The following NHERF2 variants were observed in gnomAD, a reference collection of about 807,000 sequenced individuals.
NHERF2 encodes the protein NHERF family PDZ scaffold protein 2.
At chr16:2,035,766 C>T in the NHERF2 span, 10 of 807,570 alleles carry the variant, frequency 1.2e-5, no homozygotes, top group Non-Finnish European at 1.3e-5. Context: ...GTGCCCTGTC[C>T]ACACTAAGCT....
the NHERF2 span, chr16:2,036,445 T>G: frequency 1.9e-6 from 3 of 1,604,686 alleles, no homozygotes; most frequent in South Asian, 3.4e-5. Context: ...ATCCGCTCTG[T>G]GGACCCGGGC....
chr16:2,033,490 C>T, the NHERF2 span: 14 of 1,481,888 alleles, frequency 9.4e-6, no homozygotes, highest in African/African-American at 2.8e-5. Flanking sequence ...CTCAGCCTCC[C>T]GGGGTGGAAG....
the NHERF2 span, among the ~76,000 whole-genome samples, chr16:2,027,636 C>G: frequency 2.6e-5 from 4 of 152,212 alleles, no homozygotes; most frequent in African/African-American, 9.6e-5. Context: ...TGTGCATGCG[C>G]CTGCCTGTGC....
chr16:2,027,181 T>G, the NHERF2 span: 1 of 1,452,716 alleles, frequency 6.9e-7, no homozygotes, highest in South Asian at 1.3e-5. Context: ...CTGGTCGAGG[T>G]CAACGGCGTC....
chr16:2,029,977 C>T, the NHERF2 span, among the ~76,000 whole-genome samples: 127 of 152,316 alleles, frequency 8.3e-4, no homozygotes, highest in African/African-American at 2.8e-3. Flanking sequence ...GTGTTTTAAA[C>T]TGGGTAGGGT....
the NHERF2 span, among the ~76,000 whole-genome samples, chr16:2,030,831 C>CT: frequency 6.6e-6 from 1 of 151,992 alleles, no homozygotes; most frequent in Admixed American, 6.6e-5. Flanking sequence ...GTCCCAGCTA[C>CT]TTGGGAGGCT....
At chr16:2,028,839 G>A in the NHERF2 span, among the ~76,000 whole-genome samples, 1 of 152,186 alleles carries the variant, frequency 6.6e-6, no homozygotes, top group Non-Finnish European at 1.5e-5. Context: ...CCCCCCGCGT[G>A]GTCCAGACAC....
the NHERF2 span, chr16:2,036,844 G>A: frequency 4.3e-6 from 7 of 1,612,484 alleles, no homozygotes; most frequent in Admixed American, 6.7e-5. Flanking sequence ...AACACTTCAA[G>A]CGGCTTCGGG....
At chr16:2,035,739 G>A in the NHERF2 span, 1 of 942,168 alleles carries the variant, frequency 1.1e-6, no homozygotes, top group Non-Finnish European at 1.3e-6. Context: ...GTCCTTCCGG[G>A]CACCAGGAGG....
chr16:2,033,672 T>C, the NHERF2 span, among the ~76,000 whole-genome samples: 1 of 152,084 alleles, frequency 6.6e-6, no homozygotes, highest in Non-Finnish European at 1.5e-5. Context: ...TCCAGCTCTG[T>C]GCTGGCCGCC....
chr16:2,036,285 G>C, the NHERF2 span: 1 of 1,558,342 alleles, frequency 6.4e-7, no homozygotes, highest in South Asian at 1.2e-5. Flanking sequence ...GAGGCGGGAG[G>C]CTGGAGCAAG....
At chr16:2,033,443 G>A in the NHERF2 span, 3 of 1,518,114 alleles carry the variant, frequency 2.0e-6, no homozygotes, top group South Asian at 3.6e-5. Flanking sequence ...GTCAGGTGGG[G>A]TGGGAGGAAG....
the NHERF2 span, chr16:2,035,945 G>A: frequency 4.5e-6 from 1 of 222,668 alleles, no homozygotes; most frequent in Admixed American, 5.5e-5. Context: ...GAGAGCCCGG[G>A]GCAGGGGGAC....
the NHERF2 span, chr16:2,033,074 G>A: frequency 3.3e-5 from 33 of 985,278 alleles, no homozygotes; most frequent in Non-Finnish European, 4.0e-5. Flanking sequence ...TCAGCCCTGG[G>A]TCCTGGGGCA....
At chr16:2,036,743 G>C in the NHERF2 span, 1 of 1,612,928 alleles carries the variant, frequency 6.2e-7, no homozygotes, top group African/African-American at 1.3e-5. Context: ...CGGGCAGAAT[G>C]TGGAGGGACT....
the NHERF2 span, chr16:2,037,631 C>G: frequency 4.4e-6 from 7 of 1,606,194 alleles, no homozygotes; most frequent in Admixed American, 3.4e-5. Context: ...TGAGCTCACA[C>G]GTGGGGTTGC....
the NHERF2 span, chr16:2,036,114 C>G: frequency 1.9e-6 from 1 of 534,446 alleles, no homozygotes; most frequent in Non-Finnish European, 3.3e-6. Flanking sequence ...GTCGGGGAGG[C>G]TTCTGGGTTT....
the NHERF2 span, chr16:2,037,126 C>T: frequency 8.6e-7 from 1 of 1,166,794 alleles, no homozygotes; most frequent in East Asian, 2.6e-5. Context: ...GCCCTGTCAC[C>T]TCCCTTTAAT....
the NHERF2 span, chr16:2,032,739 G>T: frequency 0.027 from 23,907 of 896,800 alleles, 402 homozygotes; most frequent in African/African-American, 0.069. This position sits in a 1 kb window ranked among gnomAD's most constrained non-coding sequence, Gnocchi z 4.0. Context: ...CAGGCTGGGG[G>T]TGGCCGCAGC....
Sources: allele counts gnomAD v4.1 joint callset (sites outside exome capture counted in the v4.1 genomes callset), GRCh38; gene constraint gnomAD v4.1.1; non-coding constraint Gnocchi (gnomAD v3.1); transcripts MANE v1.5; gene names NCBI Gene and HGNC (gene_info 2026-07-23, HGNC 2026-07-21).